The following ZNF512 variants were observed in gnomAD, a reference collection of about 807,000 sequenced individuals.
The protein encoded by ZNF512 is zinc finger protein 512.
In ZNF512, 25 loss-of-function variants were observed where a neutral mutation model predicts 77.5. The ratio of observed to expected loss-of-function variants is 0.32; its 90% CI spans 0.23 to 0.45. The LOEUF is 0.45. Among genes scored for constraint, ZNF512 ranks in the 20% least tolerant of loss-of-function variants. ZNF512 has a pLI of 1.00. For missense variants in ZNF512, 483 were observed against 692.6 expected (o/e 0.70, Z 3.40); for synonymous variants, 246 against 239.9 (o/e 1.03, Z -0.24).
intron 9 of ZNF512, 143 bp downstream of exon 9, chr2:27,603,450 T>G (rs1672213407): frequency 1.2e-6 from 1 of 851,622 alleles, no homozygotes; most frequent in African/African-American, 1.7e-5. Context: ...TCTTCTTTAT[T>G]CGTTCTTTGT....
At chr2:27,591,078 C>G (rs1400053001) in intron 2 of ZNF512, among the ~76,000 whole-genome samples, 2 of 152,048 alleles carry the variant, frequency 1.3e-5, no homozygotes, top group Non-Finnish European at 2.9e-5. Flanking sequence ...ACTCTGTTGC[C>G]AAGGCTGAAG....
In ZNF512 at chr2:27,621,174, A is replaced by G. The variant is rs779803622; in HGVS notation, c.1417A>G (p.Thr473Ala). 5.0e-6 allele frequency: 8 copies of G among 1,613,864 alleles called. No individual in the cohort carries two copies. The highest frequency in any genetic ancestry group is 2.7e-5 in the African/African-American group (2 of 74,858). Residue 473 changes from threonine to alanine, a missense_variant, in exon 14 of 14, where the codon ACA becomes GCA. This residue lies in a region of ZNF512 where 324 missense variants were observed against 525.0 expected (regional missense o/e 0.62). Transcript: ENST00000355467. ...CTAGGACTGGTTCGTTGTAAACCCA[A>G]CAACAACCAAAAGCTTTGAAAAGCT... ...HAEDWFVVNP[T>A]TTKSFEKLMK...
chr2:27,600,830 C>T lies in ZNF512; in HGVS notation c.582+15C>T, dbSNP rs200194279. 3.4e-5 allele frequency: 55 copies of T among 1,604,062 alleles called. No individual in the cohort carries two copies. Among genetic ancestry groups the T allele is most frequent in the Middle Eastern group, 3.3e-4 (2 of 6,014 alleles). On this transcript the variant is annotated intron_variant, in intron 6 of 13. Transcript: ENST00000355467. ...ACTGCAAGCAGGTTAGATATTTTGG[C>T]GTTTCATAACTGTTACGATATTTTT...
intron 2 of ZNF512, among the ~76,000 whole-genome samples, chr2:27,594,995 G>A (rs1461221800): frequency 3.9e-5 from 6 of 152,154 alleles, no homozygotes; most frequent in East Asian, 1.9e-4. Context: ...CAGGCGTGGC[G>A]GCGCGTGCCT....
At chr2:27,600,095 A>G (rs1277858950) in intron 5 of ZNF512, 42 bp downstream of exon 5, 1 of 1,593,642 alleles carries the variant, frequency 6.3e-7, no homozygotes, top group Non-Finnish European at 8.6e-7. Flanking sequence ...TAGTTCTCAC[A>G]CTCTGATTTG....
At chr2:27,586,012 C>G (rs181553519) in intron 2 of ZNF512, among the ~76,000 whole-genome samples, 50 of 152,246 alleles carry the variant, frequency 3.3e-4, no homozygotes, top group Non-Finnish European at 5.6e-4. Flanking sequence ...GATTCCCTAA[C>G]CACCTTGATT....
At chr2:27,601,797 C>T (rs993006383) in intron 7 of ZNF512, among the ~76,000 whole-genome samples, 4 of 152,188 alleles carry the variant, frequency 2.6e-5, no homozygotes, top group Admixed American at 1.3e-4. Flanking sequence ...TACAGGCATG[C>T]ACCACCACAC....
chr2:27,600,749 T>C lies in ZNF512; in HGVS notation c.516T>C (p.Pro172=). The change falls in exon 6 of 14, where the codon CCT becomes CCC. Residue 172 remains proline (P), a synonymous_variant. Transcript: ENST00000355467. Reference sequence around the variant, plus strand: ...TTGATAAAGGCAGTGTCTCCTGCCCTACCTGCCAGGCAGTGGGGAGGAAGA... The same window carrying C: ...TTGATAAAGGCAGTGTCTCCTGCCCCACCTGCCAGGCAGTGGGGAGGAAGA... ...EIVDKGSVSC[P]TCQAVGRKTI... is the part of the protein sequence containing the mutation. 6.2e-7 allele frequency: 1 copy of C among 1,614,088 alleles called. No homozygotes were observed. Among genetic ancestry groups the C allele is most frequent in the Non-Finnish European group, 8.5e-7 (1 of 1,179,950 alleles).
intron 2 of ZNF512, among the ~76,000 whole-genome samples, chr2:27,593,603 C>T (rs970316186): frequency 6.6e-6 from 1 of 152,076 alleles, no homozygotes; most frequent in East Asian, 1.9e-4. Context: ...GAGAACAGAA[C>T]AAGACTGTGT....
chr2:27,601,464 T>G, intron 7 of ZNF512, 22 bp downstream of exon 7: 1 of 1,594,116 alleles, frequency 6.3e-7, no homozygotes, highest in East Asian at 2.2e-5. Flanking sequence ...TTCTGTCTTT[T>G]GTGAGTGTTT....
chr2:27,610,583 T>TATATATACA (rs1485007296), intron 10 of ZNF512, among the ~76,000 whole-genome samples: 42 of 67,188 alleles, frequency 6.3e-4, no homozygotes, highest in African/African-American at 8.9e-4. Context: ...TTTTTTTTTT[T>TATATATACA]TTTTTTTTTT....
At chr2:27,585,768 A>G (rs189435483) in intron 2 of ZNF512, among the ~76,000 whole-genome samples, 2 of 152,360 alleles carry the variant, frequency 1.3e-5, no homozygotes, top group East Asian at 3.9e-4. Flanking sequence ...TGTGATCAGA[A>G]GCTGAGAGTT....
intron 5 of ZNF512, 139 bp from the exon 6 acceptor site, chr2:27,600,552 C>A: frequency 1.1e-6 from 1 of 931,510 alleles, no homozygotes; most frequent in Non-Finnish European, 1.6e-6. Flanking sequence ...AGAAGTTATA[C>A]CCAGCAAGAG....
At chr2:27,610,839 T>C (rs1672627020) in intron 10 of ZNF512, among the ~76,000 whole-genome samples, 1 of 151,762 alleles carries the variant, frequency 6.6e-6, no homozygotes, top group African/African-American at 2.4e-5. Flanking sequence ...CCTGAAGTGC[T>C]AGGATTACAG....
Position 27,610,564 on chromosome 2 carries a change from ATATATTTTTTTTTTTTTTTTTTT to A in ZNF512, c.1131+2527_1131+2549del, listed in dbSNP as rs1672600441. Among the ~76,000 whole-genome samples the A allele has an allele frequency of 3.0e-4, 9 of 29,706 alleles. 1 individual carries two copies. Among genetic ancestry groups the A allele is most frequent in the Admixed American group, 2.8e-3 (7 of 2,544 alleles). The allele number at this position is 29,706 out of a possible 152,430, so 19.5% of individuals were successfully genotyped here. A position where few individuals can be genotyped will look rare whatever the true frequency, so the allele number is the denominator to read the frequency against. On this transcript the variant is annotated intron_variant, in intron 10 of 13. Coordinates refer to ENST00000355467, the MANE Select transcript of ZNF512 (RefSeq NM_032434.4). ...TGTGTGTATATATATATATATATAT[ATATATTTTTTTTTTTTTTTTTTT>A]TTTTTTTTTTTTTGAGACAGCGTCT...
In ZNF512 at chr2:27,607,848, T is replaced by C. The variant is rs753680783; in HGVS notation, c.940T>C (p.Ser314Pro). The C allele has an allele frequency of 7.4e-6, 12 of 1,613,998 alleles. No individual in the cohort carries two copies. Among genetic ancestry groups the C allele is most frequent in the African/African-American group, 2.7e-5 (2 of 74,912 alleles). ...YHLRSEHGPI[S>P]FFPESGQPEC... ...TTGCTGTGTCTCATTCTTGCAGATA[T>C]CCTTCTTTCCAGAGTCAGGACAGCC... is the stretch of plus-strand genomic sequence containing the variant. The change falls in exon 10 of 14, where the codon TCC becomes CCC. Residue 314 changes from serine to proline, a missense_variant. Transcript: ENST00000355467.
intron 2 of ZNF512, among the ~76,000 whole-genome samples, chr2:27,587,102 G>A (rs7597578): frequency 0.075 from 11,396 of 152,072 alleles, 1,462 homozygotes; most frequent in African/African-American, 0.26. Flanking sequence ...ACCATCCTAG[G>A]TTGGTTGATT....
In ZNF512 at chr2:27,601,984, A is replaced by G. The variant is rs1034584957; in HGVS notation, c.670-479A>G. On this transcript the variant is annotated intron_variant, in intron 7 of 13. Transcript: ENST00000355467. ...TTTTTAGTAGAGACTGAGTTTCACCATGTTGGCCAGGCTGGTCTCGAACTC... is the reference window on the plus strand; with the variant it reads ...TTTTTAGTAGAGACTGAGTTTCACCGTGTTGGCCAGGCTGGTCTCGAACTC... 1.2e-4 allele frequency among the ~76,000 whole-genome samples: 18 copies of G among 152,130 alleles called. 1 individual carries two copies. The highest frequency in any genetic ancestry group is 1.5e-5 in the Non-Finnish European group (1 of 68,004).
chr2:27,600,957 A>G (rs1672090967), intron 6 of ZNF512, 142 bp downstream of exon 6: 1 of 1,175,308 alleles, frequency 8.5e-7, no homozygotes, highest in Non-Finnish European at 1.1e-6. Flanking sequence ...GATCTGACAG[A>G]GTTAGGTTTG....
Sources: gnomAD v4.1 joint callset for allele counts (sites outside exome capture counted in the v4.1 genomes callset) on GRCh38, gnomAD v4.1.1 for gene constraint, gnomAD v4.1.1 regional missense constraint, MANE v1.5 for transcripts, NCBI Gene and HGNC (gene_info 2026-07-23, HGNC 2026-07-21) for gene names.